OCLN: variants seen among roughly 807,000 people sequenced by gnomAD.
OCLN encodes the protein occludin.
Under a neutral mutation model 47.9 loss-of-function variants are expected in OCLN, and 21 were observed. That is an observed-to-expected ratio of 0.44 (90% CI 0.31 to 0.63). The LOEUF (loss-of-function observed/expected upper bound fraction) is 0.63. OCLN is among the 30% of genes least tolerant of loss of function. OCLN has a pLI of 0.08. For missense variants in OCLN, 360 were observed against 571.0 expected, an observed-to-expected ratio of 0.63 and a Z score of 3.77; for synonymous variants, 117 against 198.4, an observed-to-expected ratio of 0.59 and a Z score of 3.45.
chr5:69,513,940 C>A lies in OCLN; in HGVS notation c.730-8C>A. Reference sequence around the variant, plus strand: ...CTAATTATGCCAATATTTTCCACTCCTTTTTAGGCCATTGCCATTGTACTG... The same window carrying A: ...CTAATTATGCCAATATTTTCCACTCATTTTTAGGCCATTGCCATTGTACTG... On this transcript the variant is annotated splice_region_variant and splice_polypyrimidine_tract_variant and intron_variant, in intron 3 of 8. Transcript: ENST00000396442. The A allele has an allele frequency of 6.2e-7, 1 of 1,611,258 alleles. No homozygotes were observed. Among genetic ancestry groups the A allele is most frequent in the South Asian group, 1.1e-5 (1 of 91,050 alleles).
intron 7 of OCLN, among the ~76,000 whole-genome samples, chr5:69,548,619 C>T (rs1162694017): frequency 2.0e-5 from 3 of 149,896 alleles, no homozygotes; most frequent in African/African-American, 7.4e-5. Flanking sequence ...CGCGCCCAGC[C>T]CCTACAAAGC....
intron 7 of OCLN, among the ~76,000 whole-genome samples, chr5:69,550,211 A>G (rs1475634272): frequency 1.5e-5 from 1 of 68,118 alleles, no homozygotes; most frequent in Non-Finnish European, 2.9e-5. Context: ...TTTTTTTTTG[A>G]GACGGAGTCT....
chr5:69,510,695 A>T (rs1211409474), intron 3 of OCLN, among the ~76,000 whole-genome samples: 1 of 152,184 alleles, frequency 6.6e-6, no homozygotes. Flanking sequence ...AAAAAAAAGA[A>T]TCATGCTATA....
chr5:69,522,108 T>C (rs1769154718), intron 4 of OCLN, among the ~76,000 whole-genome samples: 1 of 152,210 alleles, frequency 6.6e-6, no homozygotes, highest in South Asian at 2.1e-4. Context: ...AGTGTTGGGA[T>C]TGTAGGCATT....
chr5:69,514,185 A>C (rs2111991032), intron 4 of OCLN, 76 bp downstream of exon 4: 2 of 1,289,252 alleles, frequency 1.6e-6, no homozygotes, highest in African/African-American at 1.5e-5. Flanking sequence ...GCTTTGTTAA[A>C]CTTTATTCTT....
chr5:69,532,463 A>G (rs1014775595), intron 4 of OCLN, among the ~76,000 whole-genome samples: 4 of 152,222 alleles, frequency 2.6e-5, no homozygotes, highest in African/African-American at 7.2e-5. Context: ...TCTTTTTCAC[A>G]GAAATATCTG....
chr5:69,511,421 G>A (rs1768783382), intron 3 of OCLN, among the ~76,000 whole-genome samples: 1 of 151,114 alleles, frequency 6.6e-6, no homozygotes, highest in Non-Finnish European at 1.5e-5. Flanking sequence ...TTTTGTTGTT[G>A]TTTTGTTTTT....
intron 1 of OCLN, among the ~76,000 whole-genome samples, chr5:69,494,676 T>TTCGGG (rs1166214325): frequency 2.4e-4 from 37 of 152,344 alleles, no homozygotes; most frequent in African/African-American, 8.9e-4. Flanking sequence ...TCTCCACCTT[T>TTCGGG]TGGCAGTTTC....
At chr5:69,516,461 C>T (rs1044259203) in intron 4 of OCLN, among the ~76,000 whole-genome samples, 7 of 151,828 alleles carry the variant, frequency 4.6e-5, no homozygotes, top group African/African-American at 9.7e-5. Context: ...AGTCCAGCTT[C>T]GGCTCGGCAT....
At position 69,497,779 on chromosome 5, in the gene OCLN, G is replaced by A. The variant is rs115973944; in HGVS notation, c.-69+4879G>A. Among the ~76,000 whole-genome samples, 754 of 152,226 alleles carry A rather than the reference G, an allele frequency of 5.0e-3. 8 individuals are homozygous for A. The highest frequency in any genetic ancestry group is 0.017 in the African/African-American group (717 of 41,528). ...CAGGTTTTGTTTGTTCTTTTTAATA[G>A]CATATTATTCCTAGATATGAGCACT... On this transcript the variant is annotated intron_variant, in intron 1 of 8. Coordinates refer to ENST00000396442, the MANE Select transcript of OCLN (RefSeq NM_001205254.2).
chr5:69,499,593 CT>C (rs1182766634), intron 1 of OCLN, among the ~76,000 whole-genome samples: 9 of 148,462 alleles, frequency 6.1e-5, no homozygotes, highest in Admixed American at 2.0e-4. Context: ...TTTTTTCTTT[CT>C]TTTTTTTTTG....
Position 69,509,371 on chromosome 5 carries a change from G to A in OCLN, c.281G>A (p.Gly94Glu), listed in dbSNP as rs753622102. The change falls in exon 3 of 9, where the codon GGA becomes GAA. Residue 94 changes from glycine to glutamate, a missense_variant. Around this residue, in one of 3 missense-constraint regions of OCLN, gnomAD observed 314 missense variants for 368.1 expected, o/e 0.85. Transcript: ENST00000396442. ...ASTLAWDRGY[G>E]TSLLGGSVGY... The stretch of plus-strand genomic sequence containing the variant: ...ACGCTTGCCTGGGACAGAGGCTATG[G>A]AACTTCCCTTTTAGGAGGTAGTGTA... 1 of 1,614,182 alleles carries A rather than the reference G, an allele frequency of 6.2e-7. No homozygotes were observed. Among genetic ancestry groups the A allele is most frequent in the Non-Finnish European group, 8.5e-7 (1 of 1,180,030 alleles).
In OCLN at chr5:69,533,665, C is replaced by CT. The variant is rs201460217; in HGVS notation, c.892-1020dup. ...TGTATTTCACATTAAGGCATAATTT[C>CT]TTTTTTTTTGACACAGTCTCGCTGT... On this transcript the variant is annotated intron_variant, in intron 4 of 8. Transcript: ENST00000396442. 3.5e-3 allele frequency among the ~76,000 whole-genome samples: 529 copies of CT among 151,468 alleles called. 3 individuals are homozygous for CT. Among genetic ancestry groups the CT allele is most frequent in the African/African-American group, 0.012 (509 of 41,344 alleles).
chr5:69,548,556 G>A lies in OCLN; in HGVS notation c.1425+455G>A, dbSNP rs1204694431. On this transcript the variant is annotated intron_variant, in intron 7 of 8. Transcript: ENST00000396442. ...AGGATGGTCTCGATCTCCTGACCTC[G>A]TGATCTGCCCGTCTTAGCCTCCCAA... is the stretch of plus-strand genomic sequence containing the variant. Among the ~76,000 whole-genome samples, 10 of 148,260 alleles carry A rather than the reference G, an allele frequency of 6.7e-5. No individual in the cohort carries two copies. The South Asian group carries it at 1.9e-3, about 28-fold the overall frequency.
At chr5:69,496,616 G>T in intron 1 of OCLN, among the ~76,000 whole-genome samples, 2 of 134,488 alleles carry the variant, frequency 1.5e-5, no homozygotes, top group South Asian at 2.3e-4. Flanking sequence ...CTGTTGCCCA[G>T]CCTGATCTTG....
intron 1 of OCLN, among the ~76,000 whole-genome samples, chr5:69,502,900 G>A (rs371568424): frequency 2.0e-5 from 3 of 152,140 alleles, no homozygotes; most frequent in East Asian, 3.8e-4. Flanking sequence ...AAAAACTGGT[G>A]TTTCCCAAAT....
In OCLN at chr5:69,505,895, A is replaced by G. The variant is rs557108253; in HGVS notation, c.50+1601A>G. 7.9e-5 allele frequency among the ~76,000 whole-genome samples: 12 copies of G among 152,322 alleles called. No homozygotes were observed. The South Asian group carries it at 1.0e-3, about 13-fold the overall frequency. On this transcript the variant is annotated intron_variant, in intron 2 of 8. Coordinates refer to ENST00000396442, the MANE Select transcript of OCLN (RefSeq NM_001205254.2). ...CAAGTAATCAGTTCTACAGTGGACAATAGCTGTGTGTCCTCTAATTATCAG... is the reference window on the plus strand; with the variant it reads ...CAAGTAATCAGTTCTACAGTGGACAGTAGCTGTGTGTCCTCTAATTATCAG...
At chr5:69,529,037 C>G (rs200207586) in intron 4 of OCLN, among the ~76,000 whole-genome samples, 2 of 152,174 alleles carry the variant, frequency 1.3e-5, no homozygotes, top group East Asian at 3.9e-4. Context: ...GTGTTTTCCC[C>G]GATCTTTGTT....
At chr5:69,549,861 C>G (rs1769814930) in intron 7 of OCLN, among the ~76,000 whole-genome samples, 1 of 151,124 alleles carries the variant, frequency 6.6e-6, no homozygotes, top group African/African-American at 2.4e-5. Flanking sequence ...CGGTTGGGAA[C>G]TTTCAGTTGC....
Sources: allele counts gnomAD v4.1 joint callset (sites outside exome capture counted in the v4.1 genomes callset), GRCh38; gene constraint gnomAD v4.1.1; regional missense constraint gnomAD v4.1.1; transcripts MANE v1.5; gene names NCBI Gene and HGNC (gene_info 2026-07-23, HGNC 2026-07-21).